Variants in ABLIM1 observed in about 807,000 individuals in gnomAD.
ABLIM1 encodes the protein actin-binding LIM protein 1.
A neutral mutation model predicts 107.0 loss-of-function variants in ABLIM1; 40 were observed. The observed-to-expected ratio is 0.37, with a 90% CI of 0.29 to 0.49. The LOEUF (loss-of-function observed/expected upper bound fraction) is 0.49, where lower values mean the gene tolerates loss of function less well. Among genes scored for constraint, ABLIM1 ranks in the 20% least tolerant of loss-of-function variants. The pLI is 0.97. For synonymous variants in ABLIM1, 357 were observed against 357.3 expected, an observed-to-expected ratio of 1.00 and a Z score of 0.01; for missense variants, 857 against 1,008.5, an observed-to-expected ratio of 0.85 and a Z score of 2.04.
intron 6 of ABLIM1, among the ~76,000 whole-genome samples, chr10:114,509,310 C>T (rs1232271497): frequency 2.0e-5 from 3 of 152,124 alleles, no homozygotes; most frequent in Admixed American, 1.3e-4. Flanking sequence ...GGTACTGGAC[C>T]CTGGTCTTTG....
chr10:114,470,224 AC>A (rs1209963045), intron 10 of ABLIM1, among the ~76,000 whole-genome samples: 2 of 152,142 alleles, frequency 1.3e-5, no homozygotes, highest in African/African-American at 4.8e-5. Flanking sequence ...GGAGTTCACG[AC>A]CAGCCTGGCC....
At chr10:114,443,898 A>G in intron 17 of ABLIM1, 131 bp downstream of exon 17, 1 of 683,980 alleles carries the variant, frequency 1.5e-6, no homozygotes, top group Non-Finnish European at 2.5e-6. Context: ...TTTGACATGG[A>G]GTGGGTTTCC....
Position 114,750,514 on chromosome 10 carries a change from A to G in ABLIM1, c.-213+17547T>C, listed in dbSNP as rs370393218. ...CTCAACTGGGCTGAAGGTGGATAGA[A>G]TATATCCTTTCTGCCATAGCTCTAT... On this transcript the variant is annotated intron_variant, in intron 1 of 15. Coordinates refer to the ABLIM1 transcript ENST00000651092. 2.2e-4 allele frequency among the ~76,000 whole-genome samples: 33 copies of G among 152,356 alleles called. No homozygotes were observed. In the South Asian group the frequency reaches 4.3e-3, roughly 20 times the overall value.
At chr10:114,718,115 G>GAA (rs2081743456) in intron 1 of ABLIM1, among the ~76,000 whole-genome samples, 1 of 67,180 alleles carries the variant, frequency 1.5e-5, no homozygotes, top group African/African-American at 4.3e-5. Flanking sequence ...GAAAAAGAAA[G>GAA]AAAGAAAAAG....
At chr10:114,690,626 C>T (rs1267192277) in intron 1 of ABLIM1, 7 of 762,962 alleles carry the variant, frequency 9.2e-6, no homozygotes, top group East Asian at 4.9e-5. Context: ...TGAAGAACAC[C>T]GTGGGATTGA....
At chr10:114,476,158 G>A (rs191161651) in intron 8 of ABLIM1, among the ~76,000 whole-genome samples, 137 of 152,342 alleles carry the variant, frequency 9.0e-4, no homozygotes, top group African/African-American at 3.2e-3. Context: ...TAGGGTGGAA[G>A]TGGCTGGGAG....
At chr10:114,692,280 T>C (rs952113566) in intron 1 of ABLIM1, among the ~76,000 whole-genome samples, 6 of 152,260 alleles carry the variant, frequency 3.9e-5, no homozygotes, top group Admixed American at 1.3e-4. Context: ...GAACTAATTA[T>C]TCCAAAGACT....
chr10:114,517,691 A>AT (rs1267141334), intron 6 of ABLIM1, among the ~76,000 whole-genome samples: 2 of 152,130 alleles, frequency 1.3e-5, no homozygotes, highest in African/African-American at 4.8e-5. Context: ...AAAACTTGGG[A>AT]TTTTTAGGAT....
chr10:114,609,764 A>G (rs1242240869), intron 1 of ABLIM1, among the ~76,000 whole-genome samples: 1 of 152,186 alleles, frequency 6.6e-6, no homozygotes, highest in Non-Finnish European at 1.5e-5. Context: ...GAACACTACT[A>G]TATTATTATA....
intron 1 of ABLIM1, among the ~76,000 whole-genome samples, chr10:114,639,578 A>G (rs2078641506): frequency 6.6e-6 from 1 of 152,172 alleles, no homozygotes. Context: ...TCAGCTGTGA[A>G]TGGTATGAGA....
chr10:114,790,808 T>C, the ABLIM1 span, among the ~76,000 whole-genome samples: 1 of 152,214 alleles, frequency 6.6e-6, no homozygotes, highest in Non-Finnish European at 1.5e-5. Context: ...ATAAAGCTTA[T>C]AAGAACGTGG....
chr10:114,798,565 C>CCCG, the ABLIM1 span, among the ~76,000 whole-genome samples: 383 of 146,998 alleles, frequency 2.6e-3, 5 homozygotes, highest in Non-Finnish European at 4.3e-3. Flanking sequence ...GACCCCCCCC[C>CCCG]CATGTCTACA....
intron 1 of ABLIM1, among the ~76,000 whole-genome samples, chr10:114,741,346 C>T (rs2082284443): frequency 6.6e-6 from 1 of 150,500 alleles, no homozygotes; most frequent in Admixed American, 6.7e-5. Context: ...CTGCCTCAGC[C>T]TCCCGAGGAG....
intron 6 of ABLIM1, among the ~76,000 whole-genome samples, chr10:114,541,358 A>G (rs1356755150): frequency 6.6e-6 from 1 of 152,226 alleles, no homozygotes; most frequent in Non-Finnish European, 1.5e-5. Context: ...GTAAAGGGAT[A>G]AAATAAATTC....
upstream of ABLIM1, among the ~76,000 whole-genome samples, chr10:114,770,470 T>A (rs1313971403): frequency 6.6e-6 from 1 of 152,178 alleles, no homozygotes; most frequent in Non-Finnish European, 1.5e-5. Context: ...ATAATATGTT[T>A]CCTGTCTCCC....
intron 6 of ABLIM1, among the ~76,000 whole-genome samples, chr10:114,525,395 G>T (rs1040928981): frequency 6.6e-6 from 1 of 152,202 alleles, no homozygotes; most frequent in Non-Finnish European, 1.5e-5. Flanking sequence ...TACTGGATAA[G>T]CCACTGATGC....
intron 15 of ABLIM1, among the ~76,000 whole-genome samples, chr10:114,447,021 C>T (rs2139429237): frequency 6.6e-6 from 1 of 152,112 alleles, no homozygotes; most frequent in East Asian, 1.9e-4. Context: ...AAAGATATTC[C>T]AAAAATAACT....
exon 1 of ABLIM1, chr10:114,684,526 G>A (rs2080882211): frequency 7.1e-7 from 1 of 1,407,996 alleles, no homozygotes; most frequent in Non-Finnish European, 9.2e-7. Context: ...GCCAGCGCAG[G>A]AAGAATGAGG....
At chr10:114,465,259 A>C (rs758916656) in intron 12 of ABLIM1, among the ~76,000 whole-genome samples, 1 of 152,176 alleles carries the variant, frequency 6.6e-6, no homozygotes, top group African/African-American at 2.4e-5. Flanking sequence ...GAAAGTGCTT[A>C]ACCAAGCATG....
Sources: allele counts gnomAD v4.1 joint callset (sites outside exome capture counted in the v4.1 genomes callset), GRCh38; gene constraint gnomAD v4.1.1; transcripts MANE v1.5; gene names NCBI Gene and HGNC (gene_info 2026-07-23, HGNC 2026-07-21).